Variants in CHD5 observed in about 807,000 individuals in gnomAD.
The protein encoded by CHD5 is chromodomain helicase DNA binding protein 5, also known as ATP-dependent chromatin remodeler CHD5.
Under a neutral mutation model 230.3 loss-of-function variants are expected in CHD5, and 69 were observed. The ratio of observed to expected loss-of-function variants is 0.30; its 90% confidence interval spans 0.25 to 0.37. The LOEUF (loss-of-function observed/expected upper bound fraction) is 0.37. CHD5 is among the 10% of genes least tolerant of loss of function. CHD5 has a pLI of 1.00. For missense variants in CHD5, 1,827 were observed against 2,622.8 expected, an observed-to-expected ratio of 0.70 and a Z score of 6.63; for synonymous variants, 1,064 against 1,065.9, an observed-to-expected ratio of 1.00 and a Z score of 0.03.
chr1:6,128,469 G>C lies in CHD5; in HGVS notation c.3730+30C>G. On this transcript the variant is annotated intron_variant, in intron 24 of 41. Transcript: ENST00000262450. This position sits in a 1 kb window ranked among gnomAD's most constrained non-coding sequence, Gnocchi z 7.8. ...AGGAGCAGCCACCTGGTCGGAGGAGGAGCTGAGGCTGGGCTGGGTTGGCCC... is the reference window on the plus strand; with the variant it reads ...AGGAGCAGCCACCTGGTCGGAGGAGCAGCTGAGGCTGGGCTGGGTTGGCCC... 6.5e-7 allele frequency: 1 copy of C among 1,541,168 alleles called. No homozygotes were observed. The highest frequency in any genetic ancestry group is 1.1e-5 in the South Asian group (1 of 89,116).
rs1249859094 is a variant in CHD5 at position 6,154,910 on chromosome 1, G to A, written c.507-12C>T. On this transcript the variant is annotated splice_polypyrimidine_tract_variant and intron_variant, in intron 4 of 41. Coordinates refer to ENST00000262450, the MANE Select transcript of CHD5 (RefSeq NM_015557.3). The surrounding 1 kb of genome is among the most constrained non-coding windows in gnomAD (Gnocchi z 7.0). ...TGGCAATGAGTGGCCTGTAGGGGGA[G>A]AGGCAGGAGGGTGAGGGCAAGGCCA... is the stretch of plus-strand genomic sequence containing the variant. 1.9e-6 allele frequency: 3 copies of A among 1,610,910 alleles called. No individual in the cohort carries two copies. Among genetic ancestry groups the A allele is most frequent in the Non-Finnish European group, 1.7e-6 (2 of 1,178,184 alleles).
At position 6,129,164 on chromosome 1, in the gene CHD5, G is replaced by T; in HGVS notation, c.3388-95C>A. 1 of 829,658 alleles carries T rather than the reference G, an allele frequency of 1.2e-6. No individual in the cohort carries two copies. Among genetic ancestry groups the T allele is most frequent in the Non-Finnish European group, 1.9e-6 (1 of 516,404 alleles). The allele number at this position is 829,658 out of a possible 1,614,324, so 51.4% of individuals were successfully genotyped here. On this transcript the variant is annotated intron_variant, in intron 22 of 41. Coordinates refer to ENST00000262450, the MANE Select transcript of CHD5 (RefSeq NM_015557.3). This position sits in a 1 kb window ranked among gnomAD's most constrained non-coding sequence, Gnocchi z 6.8. ...TGAGCTCAAGAGCATGGAATGGGCTGCATGACTGTGTAGGGAAAGGCGTGT... is the reference window on the plus strand; with the variant it reads ...TGAGCTCAAGAGCATGGAATGGGCTTCATGACTGTGTAGGGAAAGGCGTGT...
At position 6,167,868 on chromosome 1, in the gene CHD5, G is replaced by A. The variant is rs754443967; in HGVS notation, c.207+282C>T. Reference sequence around the variant, plus strand: ...GGAGGTAGGGAGGCACCGTGGCGACGGAATCCAGCCCTGTCCCTCGCACAG... The same window carrying A: ...GGAGGTAGGGAGGCACCGTGGCGACAGAATCCAGCCCTGTCCCTCGCACAG... On this transcript the variant is annotated intron_variant, in intron 2 of 41. Coordinates refer to ENST00000262450, the MANE Select transcript of CHD5 (RefSeq NM_015557.3). This position sits in a 1 kb window ranked among gnomAD's most constrained non-coding sequence, Gnocchi z 4.5. Among the ~76,000 whole-genome samples the A allele has an allele frequency of 2.6e-5, 4 of 152,292 alleles. No homozygotes were observed. The highest frequency in any genetic ancestry group is 6.8e-3 in the Middle Eastern group (2 of 294).
In CHD5 at chr1:6,125,418, G is replaced by A. The variant is rs540534751; in HGVS notation, c.4260+106C>T. 1.5e-4 allele frequency: 201 copies of A among 1,338,462 alleles called. No individual in the cohort carries two copies. The highest frequency in any genetic ancestry group is 2.7e-4 in the Admixed American group (13 of 48,242). The allele number at this position is 1,338,462 out of a possible 1,614,324, so 82.9% of individuals were successfully genotyped here. A position where few individuals can be genotyped will look rare whatever the true frequency, so the allele number is the denominator to read the frequency against. On this transcript the variant is annotated intron_variant, in intron 28 of 41. Coordinates refer to ENST00000262450, the MANE Select transcript of CHD5 (RefSeq NM_015557.3). The surrounding 1 kb of genome is among the most constrained non-coding windows in gnomAD (Gnocchi z 6.7). ...CCAGACCAAGTTCTGTCCAAGCTCC[G>A]CCTCTACCTGGCATGAGACCCGGGG...
intron 33 of CHD5, among the ~76,000 whole-genome samples, chr1:6,118,148 G>C (rs1666406016): frequency 6.6e-6 from 1 of 152,122 alleles, no homozygotes; most frequent in Non-Finnish European, 1.5e-5. Context: ...GGTCAAGGTG[G>C]GAGGATTGCT....
Position 6,134,676 on chromosome 1 carries a change from G to A in CHD5, c.3012+42C>T, listed in dbSNP as rs762311628. 3.1e-6 allele frequency: 5 copies of A among 1,599,236 alleles called. No homozygotes were observed. The highest frequency in any genetic ancestry group is 3.4e-6 in the Non-Finnish European group (4 of 1,174,914). ...CATGGCGGCCACAGGCACCTACCAT[G>A]GCGGTCATGGAGAAGCTGCCATGAT... On this transcript the variant is annotated intron_variant, in intron 19 of 41. Coordinates refer to ENST00000262450, the MANE Select transcript of CHD5 (RefSeq NM_015557.3). The surrounding 1 kb of genome is among the most constrained non-coding windows in gnomAD (Gnocchi z 6.3).
At chr1:6,178,696 G>A (rs1667462684) in intron 1 of CHD5, among the ~76,000 whole-genome samples, 1 of 152,154 alleles carries the variant, frequency 6.6e-6, no homozygotes, top group Admixed American at 6.5e-5. Flanking sequence ...GGCGAGGTGA[G>A]TGCCGGGCTC....
At chr1:6,147,998 C>A (rs769184553) in intron 9 of CHD5, among the ~76,000 whole-genome samples, 4 of 152,206 alleles carry the variant, frequency 2.6e-5, no homozygotes, top group South Asian at 2.1e-4. Context: ...CTCCTGCCCC[C>A]CTCCCATCCC....
At chr1:6,179,895 T>G in intron 1 of CHD5, 50 bp downstream of exon 1, 5 of 1,083,232 alleles carry the variant, frequency 4.6e-6, no homozygotes, top group Non-Finnish European at 5.8e-6. Flanking sequence ...GCCCGGCCCG[T>G]CTCGGCGCCC....
rs532020602 is a variant in CHD5, at chr1:6,130,853, C to T, written c.3263-525G>A. Among the ~76,000 whole-genome samples, 2 of 152,340 alleles carry T rather than the reference C, an allele frequency of 1.3e-5. No individual in the cohort carries two copies. Among genetic ancestry groups the T allele is most frequent in the Admixed American group, 1.3e-4 (2 of 15,312 alleles). Reference sequence around the variant, plus strand: ...GACCTGGGACTGACCACAGCCCCCACTGGAGCTGCAAACAGGCCCCTGGCA... The same window carrying T: ...GACCTGGGACTGACCACAGCCCCCATTGGAGCTGCAAACAGGCCCCTGGCA... On this transcript the variant is annotated intron_variant, in intron 21 of 41. Coordinates refer to ENST00000262450, the MANE Select transcript of CHD5 (RefSeq NM_015557.3). The surrounding 1 kb of genome is among the most constrained non-coding windows in gnomAD (Gnocchi z 4.9).
rs1249012218 is a variant in CHD5, at chr1:6,134,540, C to G, written c.3012+178G>C. Among the ~76,000 whole-genome samples, 1 of 152,186 alleles carries G rather than the reference C, an allele frequency of 6.6e-6. No homozygotes were observed. Among genetic ancestry groups the G allele is most frequent in the African/African-American group, 2.4e-5 (1 of 41,450 alleles). On this transcript the variant is annotated intron_variant, in intron 19 of 41. Coordinates refer to ENST00000262450, the MANE Select transcript of CHD5 (RefSeq NM_015557.3). The surrounding 1 kb of genome is among the most constrained non-coding windows in gnomAD (Gnocchi z 6.3). ...TCCACGGTAAGTTCCCCAGCACCTA[C>G]CAGAGTGGCCACAGGCAACCTTCCA...
At chr1:6,159,647 C>A in intron 2 of CHD5, 132 bp from the exon 3 acceptor site, 2 of 714,368 alleles carry the variant, frequency 2.8e-6, no homozygotes, top group South Asian at 1.9e-5. Flanking sequence ...CTCCACTCAT[C>A]ATCAGAGGCC....
chr1:6,152,573 C>T, intron 5 of CHD5, 37 bp from the exon 6 acceptor site: 1 of 1,611,332 alleles, frequency 6.2e-7, no homozygotes. Context: ...ACCACTGCCA[C>T]CACTGACGGC....
At position 6,121,454 on chromosome 1, in the gene CHD5, C is replaced by CCA; in HGVS notation, c.4779+38_4779+39dup. On this transcript the variant is annotated intron_variant, in intron 32 of 41. Coordinates refer to ENST00000262450, the MANE Select transcript of CHD5 (RefSeq NM_015557.3). The surrounding 1 kb of genome is among the most constrained non-coding windows in gnomAD (Gnocchi z 4.5). The stretch of plus-strand genomic sequence containing the variant: ...AAGGTCCCCAGACCCAACCTCCACC[C>CCA]CACACACACCACAGGCCCAGACGCC... The CCA allele has an allele frequency of 6.4e-7, 1 of 1,573,288 alleles. No homozygotes were observed. Among genetic ancestry groups the CCA allele is most frequent in the Non-Finnish European group, 8.7e-7 (1 of 1,151,508 alleles).
At chr1:6,151,272 G>A in intron 6 of CHD5, 117 bp from the exon 7 acceptor site, 3 of 1,238,636 alleles carry the variant, frequency 2.4e-6, no homozygotes, top group Non-Finnish European at 3.2e-6. Context: ...AGTGCTCTCT[G>A]TGATTCATCT....
In CHD5 at chr1:6,173,415, T is replaced by C. The variant is rs557104674; in HGVS notation, c.80-5138A>G. ...CACCGCGCCCGGCCGAGAGGGGCTA[T>C]TTCTGTTCCCCACCTGGACTCCCCA... On this transcript the variant is annotated intron_variant, in intron 1 of 41. Coordinates refer to ENST00000262450, the MANE Select transcript of CHD5 (RefSeq NM_015557.3). 2.6e-5 allele frequency among the ~76,000 whole-genome samples: 4 copies of C among 151,900 alleles called. No individual in the cohort carries two copies. The East Asian group carries it at 7.8e-4, about 30-fold the overall frequency.
chr1:6,172,201 A>G (rs1033523882), intron 1 of CHD5, among the ~76,000 whole-genome samples: 3 of 152,204 alleles, frequency 2.0e-5, no homozygotes, highest in African/African-American at 7.2e-5. Flanking sequence ...GCATTGCAAT[A>G]GCAGCAGTCG....
At position 6,129,907 on chromosome 1, in the gene CHD5, G is replaced by T. The variant is rs1417991300; in HGVS notation, c.3387+297C>A. On this transcript the variant is annotated intron_variant, in intron 22 of 41. Coordinates refer to ENST00000262450, the MANE Select transcript of CHD5 (RefSeq NM_015557.3). The surrounding 1 kb of genome is among the most constrained non-coding windows in gnomAD (Gnocchi z 6.8). ...CTCCCTCCACGGCCTTGGTCCTGAG[G>T]ATGATGGGAAAGACCAGATCAGTGG... 6.6e-6 allele frequency among the ~76,000 whole-genome samples: 1 copy of T among 152,146 alleles called. No homozygotes were observed. The highest frequency in any genetic ancestry group is 6.5e-5 in the Admixed American group (1 of 15,284).
In CHD5 at chr1:6,143,916, T is replaced by C. The variant is rs1187370305; in HGVS notation, c.1950A>G (p.Gly650=). The C allele has an allele frequency of 3.7e-6, 6 of 1,613,790 alleles. No individual in the cohort carries two copies. The Admixed American group carries it at 1.0e-4, about 27-fold the overall frequency. ...GCCTCTTGGGCAGCCTGGTGTCTTCTCCCAGCATCAGCTCCCTGGGAAACG... is the reference window on the plus strand; with the variant it reads ...GCCTCTTGGGCAGCCTGGTGTCTTCCCCCAGCATCAGCTCCCTGGGAAACG... ...AYWGHRELML[G]EDTRLPKRLL... Residue 650 remains glycine (G), a synonymous_variant, in exon 13 of 42, where the codon GGA becomes GGG. Coordinates refer to ENST00000262450, the MANE Select transcript of CHD5 (RefSeq NM_015557.3).
Sources: allele counts gnomAD v4.1 joint callset (sites outside exome capture counted in the v4.1 genomes callset), GRCh38; gene constraint gnomAD v4.1.1; non-coding constraint Gnocchi (gnomAD v3.1); transcripts MANE v1.5; gene names NCBI Gene and HGNC (gene_info 2026-07-23, HGNC 2026-07-21).